The following SGO1 variants were observed in gnomAD, a reference collection of about 807,000 sequenced individuals.
SGO1 encodes the protein serologically defined breast cancer antigen NY-BR-85.
Under a neutral mutation model 50.5 loss-of-function variants are expected in SGO1, and 39 were observed. The observed-to-expected ratio is 0.77, with a 90% CI of 0.60 to 1.01. The LOEUF is 1.01. Among genes scored for constraint, SGO1 ranks in the 50% least tolerant of loss-of-function variants. The pLI, the probability that SGO1 is intolerant of heterozygous loss-of-function variation, is 0.00. For synonymous variants in SGO1, 191 were observed against 205.1 expected (o/e 0.93, Z 0.59); for missense variants, 638 against 606.0 (o/e 1.05, Z -0.55).
chr3:20,178,453 C>A, intron 3 of SGO1, 106 bp from the exon 4 acceptor site: 1 of 809,156 alleles, frequency 1.2e-6, no homozygotes, highest in Non-Finnish European at 2.1e-6. Flanking sequence ...TGGTGCCATG[C>A]CATGGTTCTA....
At chr3:20,168,839 C>G (rs985602538), downstream of SGO1, 37 of 519,368 alleles carry the variant, frequency 7.1e-5, no homozygotes, top group African/African-American at 6.0e-4. Context: ...ACCGTATTAG[C>G]CAGGATGGTC....
chr3:20,163,840 A>C (rs965069057), intron 8 of SGO1, among the ~76,000 whole-genome samples: 1 of 152,224 alleles, frequency 6.6e-6, no homozygotes, highest in African/African-American at 2.4e-5. Context: ...TAACAATTTG[A>C]TAACTTAGAT....
At position 20,176,647 on chromosome 3, in the gene SGO1, A is replaced by T; in HGVS notation, c.429T>A (p.Leu143=). The change falls in exon 5 of 8, where the codon CTT becomes CTA. Residue 143 remains leucine, a synonymous_variant. Coordinates refer to ENST00000412997, the MANE Select transcript of SGO1 (RefSeq NM_001199251.3). ...CTTGTCCTGGAAGTTCAGTTTCTTC[A>T]AGAGGAATTTGCCTTAGAAAATACC... is the stretch of plus-strand genomic sequence containing the variant. ...LFVKDLPQIP[L]EETELPGQGE... The T allele has an allele frequency of 1.3e-6, 2 of 1,572,896 alleles. No homozygotes were observed. Among genetic ancestry groups the T allele is most frequent in the Non-Finnish European group, 1.7e-6 (2 of 1,164,866 alleles).
chr3:20,186,126 A>C lies in SGO1; in HGVS notation c.-186T>G, dbSNP rs1702647372. On this transcript the variant is annotated 5_prime_UTR_variant, in exon 1 of 8. Coordinates refer to ENST00000412997, the MANE Select transcript of SGO1 (RefSeq NM_001199251.3). ...ATTTCAAGGCTCTTCGAAGCTCTCC[A>C]GCCACGGCTAGCCCCGCGCACTGGG... is the stretch of plus-strand genomic sequence containing the variant. 6.6e-6 allele frequency: 1 copy of C among 152,636 alleles called. No homozygotes were observed. Among genetic ancestry groups the C allele is most frequent in the African/African-American group, 2.4e-5 (1 of 41,468 alleles). 9.5% of individuals were successfully genotyped at this position (152,636 alleles called of 1,614,324 possible). A position where few individuals can be genotyped will look rare whatever the true frequency, so the allele number is the denominator to read the frequency against.
chr3:20,174,541 A>G lies in SGO1; in HGVS notation c.990T>C (p.Ser330=), dbSNP rs1360781028. The G allele has an allele frequency of 1.2e-6, 2 of 1,612,950 alleles. No individual in the cohort carries two copies. Among genetic ancestry groups the G allele is most frequent in the African/African-American group, 2.7e-5 (2 of 74,810 alleles). The change falls in exon 6 of 8, where the codon AGT becomes AGC. Residue 330 remains serine (S), a synonymous_variant. Coordinates refer to ENST00000412997, the MANE Select transcript of SGO1 (RefSeq NM_001199251.3). ...VPQKKMHKSV[S]SNDAYNFNLE... ...AATTAAAATTGTAAGCATCATTGGA[A>G]CTGACAGATTTGTGCATTTTTTTTT... is the stretch of plus-strand genomic sequence containing the variant.
intron 4 of SGO1, chr3:20,177,107 T>C (rs1701485829): frequency 6.5e-6 from 1 of 152,672 alleles, no homozygotes; most frequent in Non-Finnish European, 1.5e-5. Flanking sequence ...TTGTTCATTT[T>C]CTTTACAAAT....
downstream of SGO1, among the ~76,000 whole-genome samples, chr3:20,165,658 AAAG>A (rs1700260448): frequency 1.3e-5 from 2 of 152,228 alleles, no homozygotes; most frequent in Admixed American, 1.3e-4. Context: ...CAGAGCAAAA[AAAG>A]AAAACATTGC....
intron 3 of SGO1, among the ~76,000 whole-genome samples, chr3:20,182,952 A>C (rs1258471123): frequency 6.6e-6 from 1 of 151,902 alleles, no homozygotes; most frequent in Non-Finnish European, 1.5e-5. Flanking sequence ...CAGGAGGCCG[A>C]GCTTGCAGTG....
intron 6 of SGO1, among the ~76,000 whole-genome samples, chr3:20,172,501 CAAAAAAAAA>C (rs60237637): frequency 1.9e-5 from 2 of 102,586 alleles, no homozygotes; most frequent in Non-Finnish European, 4.1e-5. Flanking sequence ...AACTCTGTTT[CAAAAAAAAA>C]AAAAAAAAAA....
chr3:20,182,784 C>T (rs373666915), intron 3 of SGO1, among the ~76,000 whole-genome samples: 1 of 152,044 alleles, frequency 6.6e-6, no homozygotes, highest in South Asian at 2.1e-4. Flanking sequence ...TTTGGGAGGT[C>T]GACATGGGCG....
intron 3 of SGO1, among the ~76,000 whole-genome samples, chr3:20,180,517 C>A (rs1426027425): frequency 6.6e-6 from 1 of 151,946 alleles, no homozygotes; most frequent in Non-Finnish European, 1.5e-5. Context: ...GAAGAGAGAA[C>A]AATATTCCAG....
rs200745858 is a variant in SGO1 at position 20,161,078 on chromosome 3, T to TAA, written c.*26_*27insTT. 3,495 of 1,613,272 alleles carry TAA rather than the reference T, an allele frequency of 2.2e-3. 55 individuals are homozygous for TAA. The highest frequency in any genetic ancestry group is 0.019 in the Admixed American group (1,109 of 59,882). On this transcript the variant is annotated 3_prime_UTR_variant, in exon 9 of 9. Transcript: ENST00000263753. ...TAGTGAATGCATGGACTAAAAAAGT[T>TAA]TTCTAAGGATGTGAAGCCCGTGGAC...
chr3:20,180,777 TAATA>T (rs889335169), intron 3 of SGO1, among the ~76,000 whole-genome samples: 31 of 152,352 alleles, frequency 2.0e-4, no homozygotes, highest in African/African-American at 7.2e-4. Context: ...GCTGACATTA[TAATA>T]AATAAGCTAA....
At chr3:20,176,327 A>T (rs564546688) in intron 5 of SGO1, among the ~76,000 whole-genome samples, 1 of 152,216 alleles carries the variant, frequency 6.6e-6, no homozygotes, top group Admixed American at 6.5e-5. Flanking sequence ...GATTATGCAC[A>T]TAAAATGCCT....
At position 20,170,306 on chromosome 3, in the gene SGO1, G is replaced by A. The variant is rs1280899464; in HGVS notation, c.*398C>T. 14 of 529,814 alleles carry A rather than the reference G, an allele frequency of 2.6e-5. No individual in the cohort carries two copies. The highest frequency in any genetic ancestry group is 4.2e-5 in the African/African-American group (2 of 48,184). The allele number at this position is 529,814 out of a possible 1,614,324, so 32.8% of individuals were successfully genotyped here. ...CCAGCTACTCGGGAGTCTGAGGCAG[G>A]AGAATCGCTTGAACCTGGGAGGCGG... is the stretch of plus-strand genomic sequence containing the variant. On this transcript the variant is annotated 3_prime_UTR_variant, in exon 8 of 8. Coordinates refer to ENST00000412997, the MANE Select transcript of SGO1 (RefSeq NM_001199251.3).
intron 3 of SGO1, among the ~76,000 whole-genome samples, chr3:20,180,755 T>C (rs1208667145): frequency 4.6e-5 from 7 of 152,262 alleles, no homozygotes; most frequent in Non-Finnish European, 5.9e-5. Flanking sequence ...TTTTGAAATT[T>C]GATGAACATA....
chr3:20,168,256 A>T (rs995748768), downstream of SGO1, among the ~76,000 whole-genome samples: 2 of 152,158 alleles, frequency 1.3e-5, no homozygotes, highest in Non-Finnish European at 2.9e-5. Flanking sequence ...TTAAGGCAAA[A>T]GTAAAGTACT....
rs552428693 is a variant in SGO1 at position 20,182,344 on chromosome 3, C to G, written c.339+1264G>C. Among the ~76,000 whole-genome samples the G allele has an allele frequency of 2.3e-4, 35 of 152,252 alleles. No homozygotes were observed. In the East Asian group the frequency reaches 6.4e-3, roughly 28 times the overall value. On this transcript the variant is annotated intron_variant, in intron 3 of 7. Transcript: ENST00000412997. The stretch of plus-strand genomic sequence containing the variant: ...GTACCTGCCCACCTCCTCCCACCCC[C>G]CATATCCCTCCCCTAATCACAATGT...
chr3:20,161,830 T>C (rs1249216622), intron 8 of SGO1, among the ~76,000 whole-genome samples: 6 of 152,218 alleles, frequency 3.9e-5, no homozygotes, highest in Non-Finnish European at 8.8e-5. Flanking sequence ...CTTCTGCCTA[T>C]AAAGTCCTCT....
Sources: gnomAD v4.1 joint callset for allele counts (sites outside exome capture counted in the v4.1 genomes callset) on GRCh38, gnomAD v4.1.1 for gene constraint, MANE v1.5 for transcripts, NCBI Gene and HGNC (gene_info 2026-07-23, HGNC 2026-07-21) for gene names.